PVALB: variants seen among roughly 807,000 people sequenced by gnomAD.
PVALB encodes parvalbumin alpha.
PVALB carries 11 observed loss-of-function variants against 10.9 expected under a neutral mutation model. The ratio of observed to expected loss-of-function variants is 1.01; its 90% CI spans 0.63 to 1.67. The LOEUF is 1.67. PVALB is among the 40% of genes most tolerant of loss of function. The pLI is 0.00. For synonymous variants in PVALB, 57 were observed against 50.7 expected (o/e 1.12, Z -0.53); for missense variants, 131 against 136.2 (o/e 0.96, Z 0.19).
intron 3 of PVALB, chr22:36,811,368 T>C (rs1447855654): frequency 2.5e-6 from 1 of 402,832 alleles, no homozygotes; most frequent in Non-Finnish European, 5.1e-6. Context: ...ACAGGCCACA[T>C]TTCCATGTTA....
intron 2 of PVALB, 43 bp downstream of exon 2, chr22:36,815,060 C>T (rs758159687): frequency 3.7e-6 from 6 of 1,610,756 alleles, no homozygotes; most frequent in Middle Eastern, 3.3e-4. Context: ...CACTCCCTCT[C>T]GTGCAGCCGT....
chr22:36,815,106 A>C lies in PVALB; in HGVS notation c.191T>G (p.Leu64Arg). The C allele has an allele frequency of 6.2e-7, 1 of 1,614,134 alleles. No individual in the cohort carries two copies. Among genetic ancestry groups the C allele is most frequent in the Non-Finnish European group, 8.5e-7 (1 of 1,179,998 alleles). Residue 64 changes from leucine to arginine, a missense_variant, in exon 2 of 4, where the codon CTG becomes CGG. Leu to Arg is a moderately radical substitution (Grantham distance 102). Coordinates refer to ENST00000417718, the MANE Select transcript of PVALB (RefSeq NM_001315532.2). ...GCCCCTGCAGGCCTCCGCTTACCCCAGCTCATCCTCCTCGATGAAGCCACT... is the reference window on the plus strand; with the variant it reads ...GCCCCTGCAGGCCTCCGCTTACCCCCGCTCATCCTCCTCGATGAAGCCACT... Reference protein sequence around the residue: ...DKSGFIEEDELGFILKGFSPD... With the variant: ...DKSGFIEEDERGFILKGFSPD...
In PVALB at chr22:36,811,440, C is replaced by T. The variant is rs116567856; in HGVS notation, c.304+2206G>A. 8.7e-4 allele frequency: 408 copies of T among 470,014 alleles called. 4 individuals carry two copies. Among genetic ancestry groups the T allele is most frequent in the African/African-American group, 7.5e-3 (375 of 50,168 alleles). The allele number at this position is 470,014 out of a possible 1,614,324, so 29.1% of individuals were successfully genotyped here. A position where few individuals can be genotyped will look rare whatever the true frequency, so the allele number is the denominator to read the frequency against. ...GGGCTAAGGAGTAGCTGCTCAGGGG[C>T]ACCCAGTCAGGAAATGGGCCTGAAT... is the stretch of plus-strand genomic sequence containing the variant. On this transcript the variant is annotated intron_variant, in intron 3 of 3. Coordinates refer to ENST00000417718, the MANE Select transcript of PVALB (RefSeq NM_001315532.2).
intron 3 of PVALB, among the ~76,000 whole-genome samples, chr22:36,805,614 G>T (rs2145946689): frequency 6.6e-6 from 1 of 152,276 alleles, no homozygotes; most frequent in Non-Finnish European, 1.5e-5. Context: ...ATCACTATCT[G>T]GCTAGGTGGC....
rs904514136 is a variant in PVALB at position 36,811,409 on chromosome 22, G to C, written c.304+2237C>G. 22 of 457,360 alleles carry C rather than the reference G, an allele frequency of 4.8e-5. No individual in the cohort carries two copies. The Admixed American group carries it at 5.1e-4, about 11-fold the overall frequency. 28.3% of individuals were successfully genotyped at this position (457,360 alleles called of 1,614,324 possible). ...CCTAGTTTACAGATGAGGAAGCTGG[G>C]GCTCAGGGCTAAGGAGTAGCTGCTC... On this transcript the variant is annotated intron_variant, in intron 3 of 3. Coordinates refer to ENST00000417718, the MANE Select transcript of PVALB (RefSeq NM_001315532.2).
intron 3 of PVALB, among the ~76,000 whole-genome samples, chr22:36,808,454 C>T (rs1430999029): frequency 6.6e-6 from 1 of 152,174 alleles, no homozygotes; most frequent in Non-Finnish European, 1.5e-5. Flanking sequence ...AGCTCTGCTA[C>T]AGAGAGACCC....
rs567942924 is a variant in PVALB, at chr22:36,813,664, C to T, written c.286G>A (p.Gly96Ser). Residue 96 changes from glycine to serine, a missense_variant, in exon 3 of 4, where the codon GGC becomes AGC. Physicochemically the swap from Gly to Ser is moderately conservative, Grantham distance 56. Coordinates refer to ENST00000417718, the MANE Select transcript of PVALB (RefSeq NM_001315532.2). ...LMAAGDKDGD[G>S]KIGVDEFSTL... Reference sequence around the variant, plus strand: ...TACCCACCGTCAACCCCAATTTTGCCGTCCCCATCTTTGTCTCCAGCAGCC... The same window carrying T: ...TACCCACCGTCAACCCCAATTTTGCTGTCCCCATCTTTGTCTCCAGCAGCC... 42 of 1,613,918 alleles carry T rather than the reference C, an allele frequency of 2.6e-5. No individual in the cohort carries two copies. The Admixed American group carries it at 2.7e-4, about 10-fold the overall frequency.
intron 1 of PVALB, among the ~76,000 whole-genome samples, chr22:36,816,637 C>T (rs1939142909): frequency 6.6e-6 from 1 of 152,238 alleles, no homozygotes; most frequent in South Asian, 2.1e-4. Flanking sequence ...GGAGGTCTCT[C>T]CTCCGACCCT....
At chr22:36,812,836 G>A (rs1030456346) in intron 3 of PVALB, among the ~76,000 whole-genome samples, 3 of 152,362 alleles carry the variant, frequency 2.0e-5, no homozygotes, top group South Asian at 2.1e-4. Context: ...ACTAGGCTAA[G>A]CACCTTCAAA....
chr22:36,813,271 A>G (rs112313714), intron 3 of PVALB, among the ~76,000 whole-genome samples: 54 of 152,186 alleles, frequency 3.5e-4, no homozygotes, highest in Admixed American at 2.4e-3. Context: ...GAGATGGGAG[A>G]CAGAGGCCCA....
At position 36,816,933 on chromosome 22, in the gene PVALB, G is replaced by T; in HGVS notation, c.61+12C>A. 1.3e-6 allele frequency: 2 copies of T among 1,598,540 alleles called. No homozygotes were observed. Among genetic ancestry groups the T allele is most frequent in the Non-Finnish European group, 1.7e-6 (2 of 1,175,054 alleles). The stretch of plus-strand genomic sequence containing the variant: ...AGGGGAGAGGGATGGGGAGGGGAGC[G>T]CGCTTGCTCACCGCTAAAGGCTCCC... On this transcript the variant is annotated intron_variant, in intron 1 of 3. Transcript: ENST00000417718.
At position 36,810,343 on chromosome 22, in the gene PVALB, C is replaced by T. The variant is rs112797650; in HGVS notation, c.304+3303G>A. ...GCAAAGCAGAGTATCTGAAACAGAA[C>T]GTCCTGGGCCCCAAAAAGGCTCTGC... On this transcript the variant is annotated intron_variant, in intron 3 of 3. Coordinates refer to ENST00000417718, the MANE Select transcript of PVALB (RefSeq NM_001315532.2). 8.7e-3 allele frequency among the ~76,000 whole-genome samples: 1,330 copies of T among 152,280 alleles called. 17 individuals are homozygous for T. Among genetic ancestry groups the T allele is most frequent in the African/African-American group, 0.029 (1,194 of 41,560 alleles).
chr22:36,814,511 T>C (rs1198784398), intron 2 of PVALB, among the ~76,000 whole-genome samples: 5 of 151,976 alleles, frequency 3.3e-5, no homozygotes, highest in Non-Finnish European at 1.5e-5. Context: ...GCAACCTGAG[T>C]CAGTAGACAT....
At chr22:36,814,951 C>T in intron 2 of PVALB, 152 bp downstream of exon 2, 1 of 1,030,126 alleles carries the variant, frequency 9.7e-7, no homozygotes. Flanking sequence ...CCCTGGTGCC[C>T]TGGGTCGGAG....
In PVALB at chr22:36,817,032, A is replaced by G. The variant is rs1344511892; in HGVS notation, c.-27T>C. 6.3e-7 allele frequency: 1 copy of G among 1,598,924 alleles called. No homozygotes were observed. The highest frequency in any genetic ancestry group is 1.7e-5 in the Admixed American group (1 of 59,226). On this transcript the variant is annotated 5_prime_UTR_variant, in exon 1 of 4. Transcript: ENST00000417718. ...CTGCAACTGTTTGAGCGGGCAGAGC[A>G]AGTGCGAAAAGATTAAAAAGTGCTT...
intron 3 of PVALB, among the ~76,000 whole-genome samples, chr22:36,812,622 G>T (rs1939064057): frequency 6.6e-6 from 1 of 150,954 alleles, no homozygotes; most frequent in Admixed American, 6.6e-5. Context: ...ATCAAATTAC[G>T]CAAGGTCACA....
chr22:36,818,000 T>C (rs1712490383), upstream of PVALB, among the ~76,000 whole-genome samples: 1 of 152,074 alleles, frequency 6.6e-6, no homozygotes, highest in Admixed American at 6.6e-5. Flanking sequence ...TGGAAAAATG[T>C]CACGGTGCCT....
chr22:36,819,097 G>A (rs894003255), upstream of PVALB, among the ~76,000 whole-genome samples: 2 of 152,128 alleles, frequency 1.3e-5, no homozygotes, highest in African/African-American at 4.8e-5. Flanking sequence ...TCAGCCCTGG[G>A]TAGTCCTCCT....
At chr22:36,802,686 A>C (rs995207026) in intron 3 of PVALB, among the ~76,000 whole-genome samples, 32 of 151,136 alleles carry the variant, frequency 2.1e-4, no homozygotes, top group Non-Finnish European at 4.6e-4. Context: ...TGGGTGCCTC[A>C]CCTTCCTGAG....
Sources: allele counts gnomAD v4.1 joint callset (sites outside exome capture counted in the v4.1 genomes callset), GRCh38; gene constraint gnomAD v4.1.1; transcripts MANE v1.5; gene names NCBI Gene and HGNC (gene_info 2026-07-23, HGNC 2026-07-21).